Variants in GRIK3 observed in about 807,000 individuals in gnomAD.
The protein encoded by GRIK3 is glutamate receptor ionotropic, kainate 3.
In GRIK3, 29 loss-of-function variants were observed where a neutral mutation model predicts 102.5. That is an observed-to-expected ratio of 0.28 (90% CI 0.21 to 0.39). GRIK3 has a LOEUF of 0.39. Among genes scored for constraint, GRIK3 ranks in the 10% least tolerant of loss-of-function variants. GRIK3 has a pLI of 1.00. For missense variants in GRIK3, 908 were observed against 1,252.4 expected (o/e 0.73, Z 4.15); for synonymous variants, 511 against 504.9 (o/e 1.01, Z -0.16).
intron 1 of GRIK3, among the ~76,000 whole-genome samples, chr1:36,950,301 T>C (rs538389754): frequency 2.6e-5 from 4 of 152,350 alleles, no homozygotes; most frequent in African/African-American, 7.2e-5. Context: ...AAAATGCATG[T>C]CCATTGAATA....
intron 3 of GRIK3, among the ~76,000 whole-genome samples, chr1:36,877,728 A>G (rs1016676174): frequency 1.3e-5 from 2 of 151,908 alleles, no homozygotes; most frequent in African/African-American, 4.8e-5. Context: ...TCCACCTGTA[A>G]TTCCCTCATG....
intron 1 of GRIK3, among the ~76,000 whole-genome samples, chr1:36,912,035 T>G (rs971404017): frequency 6.6e-6 from 1 of 152,108 alleles, no homozygotes; most frequent in Non-Finnish European, 1.5e-5. Context: ...CAGCCTCTCT[T>G]CAGCGTCCAC....
intron 1 of GRIK3, among the ~76,000 whole-genome samples, chr1:36,965,565 G>C (rs1226582299): frequency 6.6e-6 from 1 of 152,144 alleles, no homozygotes; most frequent in African/African-American, 2.4e-5. Flanking sequence ...TGGGGGGAGA[G>C]AGGTCCCAGG....
intron 11 of GRIK3, among the ~76,000 whole-genome samples, chr1:36,825,181 C>T (rs1024006425): frequency 6.6e-6 from 1 of 152,144 alleles, no homozygotes; most frequent in Admixed American, 6.5e-5. Context: ...GGCACTGTTC[C>T]CCCTGCTGTT....
intron 2 of GRIK3, among the ~76,000 whole-genome samples, chr1:36,888,891 C>T (rs1335223732): frequency 6.6e-6 from 1 of 152,100 alleles, no homozygotes; most frequent in Non-Finnish European, 1.5e-5. Context: ...GACCTAGCTT[C>T]CTTGGGCATG....
chr1:36,910,678 T>C (rs999162253), intron 1 of GRIK3, among the ~76,000 whole-genome samples: 10 of 152,218 alleles, frequency 6.6e-5, no homozygotes, highest in African/African-American at 2.2e-4. Context: ...GGCTTTCTAA[T>C]GTCCTGGGAG....
intron 1 of GRIK3, among the ~76,000 whole-genome samples, chr1:36,935,668 C>T (rs1329169630): frequency 1.3e-5 from 2 of 152,046 alleles, no homozygotes; most frequent in African/African-American, 4.8e-5. Context: ...GGATTGAATA[C>T]ATTCAAGTCG....
chr1:36,813,544 C>T lies in GRIK3; in HGVS notation c.2091+3516G>A, dbSNP rs1642586278. ...AGCATGTCTGACCTTGTACCCCGCTCCACCACTGATCTGCTGTGTGATAAT... is the reference window on the plus strand; with the variant it reads ...AGCATGTCTGACCTTGTACCCCGCTTCACCACTGATCTGCTGTGTGATAAT... On this transcript the variant is annotated intron_variant, in intron 13 of 15. Transcript: ENST00000373091. Among the ~76,000 whole-genome samples the T allele has an allele frequency of 2.0e-5, 3 of 152,198 alleles. No homozygotes were observed. In the South Asian group the frequency reaches 6.2e-4, roughly 32 times the overall value.
At chr1:37,023,623 T>C (rs1319636616) in intron 1 of GRIK3, among the ~76,000 whole-genome samples, 1 of 152,226 alleles carries the variant, frequency 6.6e-6, no homozygotes, top group East Asian at 1.9e-4. Context: ...CTCATTTTCT[T>C]TTTAATGTGT....
At chr1:36,946,604 C>G (rs1459055398) in intron 1 of GRIK3, among the ~76,000 whole-genome samples, 2 of 152,140 alleles carry the variant, frequency 1.3e-5, no homozygotes, top group Non-Finnish European at 2.9e-5. Context: ...TCACATTTGG[C>G]GAATAAGTAA....
chr1:36,855,172 T>G (rs1364766516), intron 7 of GRIK3, among the ~76,000 whole-genome samples: 1 of 151,940 alleles, frequency 6.6e-6, no homozygotes, highest in African/African-American at 2.4e-5. Flanking sequence ...AGGGAGGGTA[T>G]CCGGAGAAGA....
chr1:37,000,946 G>C (rs1226724869), intron 1 of GRIK3, among the ~76,000 whole-genome samples: 1 of 152,182 alleles, frequency 6.6e-6, no homozygotes, highest in African/African-American at 2.4e-5. Flanking sequence ...CATTGCACTG[G>C]GCACCTGATT....
At chr1:36,959,922 CT>C (rs1441389956) in intron 1 of GRIK3, among the ~76,000 whole-genome samples, 2 of 68,838 alleles carry the variant, frequency 2.9e-5, no homozygotes, top group South Asian at 5.8e-4. Flanking sequence ...CCCTGTGAGC[CT>C]GTGTGCCCCA....
At chr1:36,898,513 A>T (rs1262837774) in intron 1 of GRIK3, among the ~76,000 whole-genome samples, 1 of 152,194 alleles carries the variant, frequency 6.6e-6, no homozygotes, top group East Asian at 1.9e-4. Context: ...TCTTCAAAAC[A>T]TTGTTGAAGG....
chr1:36,807,746 G>C (rs1642516384), intron 13 of GRIK3, among the ~76,000 whole-genome samples: 1 of 152,168 alleles, frequency 6.6e-6, no homozygotes, highest in Admixed American at 6.5e-5. Context: ...GCCACAGGCA[G>C]GACCCCTTAG....
intron 1 of GRIK3, among the ~76,000 whole-genome samples, chr1:36,901,223 C>T (rs941477181): frequency 1.3e-5 from 2 of 152,112 alleles, no homozygotes; most frequent in Non-Finnish European, 2.9e-5. Flanking sequence ...CAGACAAAGA[C>T]ATCACAAGAA....
rs1642420297 is a variant in GRIK3, at chr1:36,799,833, C to A, written c.*2018G>T. 6.6e-6 allele frequency: 1 copy of A among 152,232 alleles called. No homozygotes were observed. Among genetic ancestry groups the A allele is most frequent in the South Asian group, 2.1e-4 (1 of 4,828 alleles). The allele number at this position is 152,232 out of a possible 1,614,324, so 9.4% of individuals were successfully genotyped here. On this transcript the variant is annotated 3_prime_UTR_variant, in exon 16 of 16. Coordinates refer to ENST00000373091, the MANE Select transcript of GRIK3 (RefSeq NM_000831.4). ...TTCACCTATTATTGCATGCCCTGGA[C>A]TATGTTATATGTCCAGATCTGTCCT...
At chr1:36,849,333 C>A (rs1440221894) in intron 9 of GRIK3, among the ~76,000 whole-genome samples, 1 of 152,188 alleles carries the variant, frequency 6.6e-6, no homozygotes, top group Non-Finnish European at 1.5e-5. Context: ...TATAGGGTGA[C>A]CAGTCTGTCC....
intron 2 of GRIK3, among the ~76,000 whole-genome samples, chr1:36,887,756 C>A (rs1641055684): frequency 1.9e-5 from 2 of 103,632 alleles, no homozygotes; most frequent in African/African-American, 7.0e-5. Flanking sequence ...AATTCCATCT[C>A]AAAAAAAAAA....
Sources: allele counts gnomAD v4.1 joint callset (sites outside exome capture counted in the v4.1 genomes callset), GRCh38; gene constraint gnomAD v4.1.1; transcripts MANE v1.5; gene names NCBI Gene and HGNC (gene_info 2026-07-23, HGNC 2026-07-21).